Variants in KHDC4 observed in about 807,000 individuals in gnomAD.
KHDC4 encodes the protein KH homology domain-containing protein 4.
KHDC4 carries 19 observed loss-of-function variants against 74.5 expected under a neutral mutation model. The ratio of observed to expected loss-of-function variants is 0.26; its 90% CI spans 0.18 to 0.37. The LOEUF (loss-of-function observed/expected upper bound fraction) is 0.37. Ranked by LOEUF, KHDC4 falls within the 10% of genes least tolerant of loss-of-function variation. KHDC4 has a pLI of 1.00. For missense variants in KHDC4, 632 were observed against 754.1 expected (o/e 0.84, Z 1.90); for synonymous variants, 253 against 266.1 (o/e 0.95, Z 0.48).
Position 155,921,565 on chromosome 1 carries a change from C to G in KHDC4, c.1076G>C (p.Gly359Ala), listed in dbSNP as rs767180734. The G allele has an allele frequency of 6.2e-7, 1 of 1,613,952 alleles. No homozygotes were observed. Among genetic ancestry groups the G allele is most frequent in the South Asian group, 1.1e-5 (1 of 91,072 alleles). The change falls in exon 10 of 14, where the codon GGC becomes GCC. Residue 359 changes from glycine to alanine, a missense_variant. Coordinates refer to ENST00000368321, the MANE Select transcript of KHDC4 (RefSeq NM_014949.4). ...AACAACAGGGTAACCAGACTGATAG[C>G]CATTGGATGGATAATATGGTGGTTG... is the stretch of plus-strand genomic sequence containing the variant. The part of the protein sequence containing the change: ...PPQPPYYPSN[G>A]YQSGYPVVPP...
chr1:155,927,713 G>A (rs894047012), intron 4 of KHDC4, among the ~76,000 whole-genome samples: 1 of 140,150 alleles, frequency 7.1e-6, no homozygotes, highest in African/African-American at 2.7e-5. Context: ...TGAGGCACAA[G>A]AATCACTTGA....
intron 8 of KHDC4, among the ~76,000 whole-genome samples, chr1:155,923,033 G>A (rs908149563): frequency 1.5e-4 from 23 of 151,972 alleles, no homozygotes; most frequent in African/African-American, 3.6e-4. Context: ...GTGAAACCCC[G>A]TCTCTACTAA....
chr1:155,933,923 C>CTTA, intron 1 of KHDC4, 74 bp from the exon 2 acceptor site: 1 of 1,213,266 alleles, frequency 8.2e-7, no homozygotes, highest in Non-Finnish European at 1.1e-6. Flanking sequence ...TACGCCTTAG[C>CTTA]ACCCCATTTT....
chr1:155,932,176 A>C (rs1368120963), intron 2 of KHDC4: 1 of 152,204 alleles, frequency 6.6e-6, no homozygotes, highest in African/African-American at 2.4e-5. Context: ...GCTGGAGTGC[A>C]ATGGCAAAAT....
rs988738271 is a variant in KHDC4 at position 155,919,683 on chromosome 1, C to T, written c.1266+1692G>A. Among the ~76,000 whole-genome samples, 4 of 151,872 alleles carry T rather than the reference C, an allele frequency of 2.6e-5. No homozygotes were observed. The East Asian group carries it at 5.8e-4, about 22-fold the overall frequency. On this transcript the variant is annotated intron_variant, in intron 10 of 13. Transcript: ENST00000368321. ...ACAATTAGCCAGGCATGGTGGCAGG[C>T]GCTTGTAGTCCCAGCTACTCGGGAG... is the stretch of plus-strand genomic sequence containing the variant.
At chr1:155,921,652 T>C in intron 9 of KHDC4, 24 bp from the exon 10 acceptor site, 1 of 1,600,980 alleles carries the variant, frequency 6.2e-7, no homozygotes, top group Non-Finnish European at 8.5e-7. Flanking sequence ...AAAAAAGTGT[T>C]TAATCAGCTG....
chr1:155,934,250 TC>T, intron 1 of KHDC4, 85 bp downstream of exon 1: 1 of 1,399,528 alleles, frequency 7.1e-7, no homozygotes. Context: ...TAAGGACCCT[TC>T]CACCCTATAC....
chr1:155,919,743 G>A (rs758816677), intron 10 of KHDC4, among the ~76,000 whole-genome samples: 32 of 151,912 alleles, frequency 2.1e-4, no homozygotes, highest in Non-Finnish European at 3.5e-4. Flanking sequence ...CCTGGGAGGC[G>A]GAGCTTGCAG....
In KHDC4 at chr1:155,914,023, G is replaced by C. The variant is rs1429400735; in HGVS notation, c.*98C>G. On this transcript the variant is annotated 3_prime_UTR_variant, in exon 14 of 14. Coordinates refer to ENST00000368321, the MANE Select transcript of KHDC4 (RefSeq NM_014949.4). ...AATCTCTAACTTCTGCAAAGGTCCA[G>C]ATGGTTCCCAGCACAGGCCCCAGAG... 9.4e-7 allele frequency: 1 copy of C among 1,067,358 alleles called. No individual in the cohort carries two copies. Among genetic ancestry groups the C allele is most frequent in the Non-Finnish European group, 1.4e-6 (1 of 697,950 alleles). The allele number at this position is 1,067,358 out of a possible 1,614,324, so 66.1% of individuals were successfully genotyped here. A position where few individuals can be genotyped will look rare whatever the true frequency, so the allele number is the denominator to read the frequency against.
At position 155,914,329 on chromosome 1, in the gene KHDC4, G is replaced by A. The variant is rs200082502; in HGVS notation, c.1646-9C>T. On this transcript the variant is annotated splice_polypyrimidine_tract_variant and intron_variant, in intron 13 of 13. Coordinates refer to ENST00000368321, the MANE Select transcript of KHDC4 (RefSeq NM_014949.4). ...CTTCTTGGCTGGATAATCTAGAATAGAGAAAAAACAACCCCAACCCCATCC... is the reference window on the plus strand; with the variant it reads ...CTTCTTGGCTGGATAATCTAGAATAAAGAAAAAACAACCCCAACCCCATCC... 1,983 of 1,589,052 alleles carry A rather than the reference G, an allele frequency of 1.2e-3. 5 individuals carry two copies. Among genetic ancestry groups the A allele is most frequent in the Non-Finnish European group, 1.6e-3 (1,816 of 1,165,472 alleles).
chr1:155,929,937 G>C, intron 2 of KHDC4, 97 bp from the exon 3 acceptor site: 1 of 792,442 alleles, frequency 1.3e-6, no homozygotes, highest in South Asian at 3.1e-5. Flanking sequence ...TCATTTTTTT[G>C]AGATGGAGTC....
At chr1:155,915,765 C>T in intron 13 of KHDC4, 108 bp downstream of exon 13, 1 of 683,866 alleles carries the variant, frequency 1.5e-6, no homozygotes, top group Non-Finnish European at 2.5e-6. Context: ...CCTCGGCCTC[C>T]CAAAGTGCTG....
At chr1:155,914,410 A>T in intron 13 of KHDC4, 90 bp from the exon 14 acceptor site, 1 of 1,091,052 alleles carries the variant, frequency 9.2e-7, no homozygotes, top group Non-Finnish European at 1.3e-6. Flanking sequence ...AAAGATGTTA[A>T]TTTTAAGTGG....
intron 5 of KHDC4, 90 bp downstream of exon 5, chr1:155,927,011 ACAG>A: frequency 7.3e-7 from 1 of 1,365,212 alleles, no homozygotes; most frequent in Admixed American, 1.7e-5. Context: ...AAGGGTTAGA[ACAG>A]CCATCAGGGA....
chr1:155,919,325 C>T (rs768386339), intron 10 of KHDC4, among the ~76,000 whole-genome samples: 1 of 152,064 alleles, frequency 6.6e-6, no homozygotes, highest in Admixed American at 6.6e-5. Flanking sequence ...AAAGGACTGA[C>T]CTTCAAAAGT....
At chr1:155,923,924 T>C (rs986795634) in intron 7 of KHDC4, among the ~76,000 whole-genome samples, 1 of 152,228 alleles carries the variant, frequency 6.6e-6, no homozygotes, top group Non-Finnish European at 1.5e-5. Context: ...CTTCTCGATA[T>C]AAAAATGTTT....
chr1:155,924,680 TCTC>T (rs1222364076), intron 7 of KHDC4, among the ~76,000 whole-genome samples: 1 of 151,136 alleles, frequency 6.6e-6, no homozygotes, highest in Admixed American at 6.6e-5. Flanking sequence ...TTCAAGCAAT[TCTC>T]CTACCTCAGC....
intron 13 of KHDC4, chr1:155,914,559 C>T (rs1372619908): frequency 5.1e-6 from 2 of 394,888 alleles, no homozygotes; most frequent in African/African-American, 2.2e-5. Context: ...AAAAGAAACA[C>T]AAAAAAAGAA....
rs539677203 is a variant in KHDC4 at position 155,921,236 on chromosome 1, T to G, written c.1266+139A>C. 3.6e-4 allele frequency: 333 copies of G among 933,090 alleles called. 1 individual carries two copies. The highest frequency in any genetic ancestry group is 2.7e-3 in the South Asian group (171 of 62,594). The allele number at this position is 933,090 out of a possible 1,614,324, so 57.8% of individuals were successfully genotyped here. A position where few individuals can be genotyped will look rare whatever the true frequency, so the allele number is the denominator to read the frequency against. ...CACTAATCCAAAATATTCAGGTAGG[T>G]TGGTGGTAGGAACACAGAAGACAGC... is the stretch of plus-strand genomic sequence containing the variant. On this transcript the variant is annotated intron_variant, in intron 10 of 13. Transcript: ENST00000368321.
Sources: allele counts gnomAD v4.1 joint callset (sites outside exome capture counted in the v4.1 genomes callset), GRCh38; gene constraint gnomAD v4.1.1; transcripts MANE v1.5; gene names NCBI Gene and HGNC (gene_info 2026-07-23, HGNC 2026-07-21).